Variants in SPATA13 observed in about 807,000 individuals in gnomAD.
SPATA13 encodes spermatogenesis associated 13.
In SPATA13, 50 loss-of-function variants were observed where a neutral mutation model predicts 104.0. The observed-to-expected ratio is 0.48, with a 90% confidence interval of 0.38 to 0.61. The LOEUF (loss-of-function observed/expected upper bound fraction) is 0.61. SPATA13 is among the 20% of genes least tolerant of loss of function. The probability of loss-of-function intolerance (pLI) is 0.00; values close to 1 mark genes in which losing one functional copy is unlikely to be tolerated. For synonymous variants in SPATA13, 606 were observed against 667.5 expected, an observed-to-expected ratio of 0.91 and a Z score of 1.42; for missense variants, 1,524 against 1,690.6, an observed-to-expected ratio of 0.90 and a Z score of 1.73.
chr13:24,123,833 G>A (rs557528371), intron 3 of SPATA13: 2 of 805,498 alleles, frequency 2.5e-6, no homozygotes, highest in African/African-American at 3.4e-5. Flanking sequence ...CAAAGGCAGT[G>A]AAGGCCCATT....
intron 8 of SPATA13, among the ~76,000 whole-genome samples, chr13:24,290,410 A>G (rs1876258724): frequency 6.6e-6 from 1 of 152,120 alleles, no homozygotes; most frequent in Non-Finnish European, 1.5e-5. Flanking sequence ...GTTCCAGGGC[A>G]GCCTCATCCC....
rs77245367 is a variant in SPATA13, at chr13:24,208,050, G to A, written c.-111-14769G>A. ...GGAGCCGCACTGCCTGATGGGAGCC[G>A]CTGAAAGAGCTTTCGGCAGGGAAGG... On this transcript the variant is annotated intron_variant, in intron 1 of 12. Coordinates refer to ENST00000382108, the MANE Select transcript of SPATA13 (RefSeq NM_001166271.3). Among the ~76,000 whole-genome samples the A allele has an allele frequency of 6.1e-3, 935 of 152,312 alleles. 8 individuals are homozygous for A. The highest frequency in any genetic ancestry group is 0.031 in the East Asian group (161 of 5,180).
chr13:24,080,353 T>C lies in SPATA13; in HGVS notation c.-112+62652T>C, dbSNP rs113250728. On this transcript the variant is annotated intron_variant, in intron 3 of 14. Coordinates refer to the SPATA13 transcript ENST00000424834. ...TGGAATGAATGGGCTGTGAAGAGAA[T>C]AAGCAGGAACCAACGACTTACTAGA... 2.1e-3 allele frequency among the ~76,000 whole-genome samples: 321 copies of C among 152,344 alleles called. 1 individual carries two copies. The highest frequency in any genetic ancestry group is 7.2e-3 in the African/African-American group (300 of 41,578).
intron 3 of SPATA13, among the ~76,000 whole-genome samples, chr13:24,116,585 C>T (rs1421715472): frequency 6.6e-6 from 1 of 152,152 alleles, no homozygotes; most frequent in Non-Finnish European, 1.5e-5. Context: ...TCTAGGAGTT[C>T]ATTTTACCCT....
At chr13:24,160,224 G>T (rs1882412423), upstream of SPATA13, among the ~76,000 whole-genome samples, 1 of 152,118 alleles carries the variant, frequency 6.6e-6, no homozygotes, top group Non-Finnish European at 1.5e-5. Context: ...GGGGCTGGCT[G>T]GTGGCTGAGG....
At chr13:24,155,854 C>A (rs1171092443), upstream of SPATA13, among the ~76,000 whole-genome samples, 1 of 152,212 alleles carries the variant, frequency 6.6e-6, no homozygotes, top group African/African-American at 2.4e-5. Context: ...TTTCCCACTG[C>A]AGCCTCTGGC....
chr13:24,193,323 G>C (rs1350745958), intron 1 of SPATA13, among the ~76,000 whole-genome samples: 1 of 152,178 alleles, frequency 6.6e-6, no homozygotes, highest in Non-Finnish European at 1.5e-5. Flanking sequence ...GTGGGGGAGA[G>C]AGATGACAAA....
chr13:24,158,178 TC>T (rs528132590), upstream of SPATA13, among the ~76,000 whole-genome samples: 460 of 152,268 alleles, frequency 3.0e-3, 1 homozygote, highest in African/African-American at 0.01. Context: ...ATATTCAGGC[TC>T]CAGTTAGAGT....
At chr13:24,128,323 G>A (rs956476498) in intron 3 of SPATA13, among the ~76,000 whole-genome samples, 2 of 152,272 alleles carry the variant, frequency 1.3e-5, no homozygotes, top group Admixed American at 6.5e-5. Context: ...GCTCTGCCAG[G>A]TCTGTCCTTC....
chr13:24,251,174 C>T (rs1351237629), intron 3 of SPATA13, among the ~76,000 whole-genome samples: 1 of 152,196 alleles, frequency 6.6e-6, no homozygotes, highest in Non-Finnish European at 1.5e-5. Context: ...GCTCCACTGC[C>T]GTGTGAGTTT....
intron 3 of SPATA13, among the ~76,000 whole-genome samples, chr13:24,115,775 A>G (rs897076338): frequency 1.3e-5 from 2 of 152,188 alleles, no homozygotes; most frequent in South Asian, 4.1e-4. Context: ...CGGAGGCCGT[A>G]TTCATCTGCA....
chr13:24,213,631 A>G (rs1871142058), intron 1 of SPATA13, among the ~76,000 whole-genome samples: 1 of 152,196 alleles, frequency 6.6e-6, no homozygotes, highest in African/African-American at 2.4e-5. Flanking sequence ...TTCTGCTACC[A>G]TTCAAGCTTC....
intron 2 of SPATA13, among the ~76,000 whole-genome samples, chr13:24,014,476 T>G (rs1318673589): frequency 6.6e-6 from 1 of 152,216 alleles, no homozygotes; most frequent in African/African-American, 2.4e-5. Flanking sequence ...TGTCAGTGGA[T>G]GAACACATAT....
chr13:24,024,782 G>A (rs891912817), intron 3 of SPATA13, among the ~76,000 whole-genome samples: 6 of 150,806 alleles, frequency 4.0e-5, no homozygotes, highest in African/African-American at 7.3e-5. Context: ...TGCCTGCCGG[G>A]TGCAGTGGCA....
chr13:24,004,837 T>A (rs1876151469), intron 2 of SPATA13, among the ~76,000 whole-genome samples: 1 of 152,202 alleles, frequency 6.6e-6, no homozygotes, highest in Non-Finnish European at 1.5e-5. Flanking sequence ...GCCAGCCACC[T>A]GAGACCCCCA....
intron 3 of SPATA13, among the ~76,000 whole-genome samples, chr13:24,146,146 G>A (rs929756726): frequency 1.3e-5 from 2 of 152,236 alleles, no homozygotes; most frequent in African/African-American, 4.8e-5. Flanking sequence ...ATTTTAGGCA[G>A]CACCTATCCA....
chr13:24,007,443 G>A (rs1876283070), intron 2 of SPATA13, among the ~76,000 whole-genome samples: 1 of 152,166 alleles, frequency 6.6e-6, no homozygotes, highest in Admixed American at 6.5e-5. Flanking sequence ...TGTTTAAGTT[G>A]CAAGGCTTGG....
chr13:24,266,884 C>CA (rs1874322945), intron 4 of SPATA13, among the ~76,000 whole-genome samples: 3 of 151,454 alleles, frequency 2.0e-5, no homozygotes, highest in Admixed American at 1.3e-4. Context: ...CTCAACCTCT[C>CA]AGTCTCAAGT....
intron 3 of SPATA13, chr13:24,123,596 A>G: frequency 1.2e-6 from 2 of 1,608,300 alleles, no homozygotes; most frequent in Non-Finnish European, 1.7e-6. Context: ...TCCTCTTACT[A>G]CAGGCTGTAA....
Sources: allele counts gnomAD v4.1 joint callset (sites outside exome capture counted in the v4.1 genomes callset), GRCh38; gene constraint gnomAD v4.1.1; transcripts MANE v1.5; gene names NCBI Gene and HGNC (gene_info 2026-07-23, HGNC 2026-07-21).